Variants in KANSL1 observed in about 807,000 individuals in gnomAD.
KANSL1 encodes MLL1/MLL complex subunit KANSL1.
In KANSL1, 22 loss-of-function variants were observed where a neutral mutation model predicts 103.6. The observed-to-expected ratio is 0.21, with a 90% CI of 0.15 to 0.30. KANSL1 has a LOEUF of 0.30. Among genes scored for constraint, KANSL1 ranks in the 10% least tolerant of loss-of-function variants. The pLI is 1.00. For missense variants in KANSL1, 1,337 were observed against 1,399.8 expected, an observed-to-expected ratio of 0.96 and a Z score of 0.72; for synonymous variants, 600 against 527.6, an observed-to-expected ratio of 1.14 and a Z score of -1.88.
intron 2 of KANSL1, among the ~76,000 whole-genome samples, chr17:46,096,626 A>G (rs2042097885): frequency 6.9e-6 from 1 of 144,500 alleles, no homozygotes; most frequent in African/African-American, 2.6e-5. Context: ...AGCCCTGACT[A>G]ACTTTTTTTT....
chr17:46,218,665 C>T (rs951251478), intron 1 of KANSL1, among the ~76,000 whole-genome samples: 22 of 152,072 alleles, frequency 1.4e-4, no homozygotes, highest in African/African-American at 5.3e-4. Flanking sequence ...CGCCTGTAAT[C>T]CCAGCTACTT....
intron 2 of KANSL1, 40 bp from the exon 3 acceptor site, chr17:46,094,741 T>C (rs2041988145): frequency 1.2e-6 from 2 of 1,611,708 alleles, no homozygotes; most frequent in Non-Finnish European, 1.7e-6. Context: ...AGAGTAGCAG[T>C]AATATCTATA....
At chr17:46,202,373 A>G (rs1225969734) in intron 1 of KANSL1, among the ~76,000 whole-genome samples, 1 of 152,232 alleles carries the variant, frequency 6.6e-6, no homozygotes, top group Non-Finnish European at 1.5e-5. Context: ...GGGATATTCA[A>G]TGTATACAGA....
chr17:46,063,184 C>T (rs2078244052), intron 6 of KANSL1, among the ~76,000 whole-genome samples: 1 of 152,216 alleles, frequency 6.6e-6, no homozygotes, highest in African/African-American at 2.4e-5. Flanking sequence ...GTGTTCTGTA[C>T]TCTGTACTCA....
chr17:46,213,331 C>G (rs1255046486), intron 1 of KANSL1, among the ~76,000 whole-genome samples: 4 of 152,126 alleles, frequency 2.6e-5, no homozygotes, highest in African/African-American at 4.8e-5. Flanking sequence ...GACGGAGTCT[C>G]GCTCTGTGGC....
chr17:46,145,851 C>T (rs2044668279), intron 2 of KANSL1, among the ~76,000 whole-genome samples: 1 of 152,206 alleles, frequency 6.6e-6, no homozygotes, highest in Admixed American at 6.5e-5. Flanking sequence ...GCCTCAGCCT[C>T]CCGAGTAGCT....
chr17:46,220,048 A>G (rs2048475002), intron 1 of KANSL1, among the ~76,000 whole-genome samples: 3 of 151,942 alleles, frequency 2.0e-5, no homozygotes, highest in Admixed American at 6.5e-5. Flanking sequence ...GTTTGCAGTG[A>G]GCCGAGATTG....
intron 1 of KANSL1, among the ~76,000 whole-genome samples, chr17:46,191,652 C>T (rs1368084109): frequency 6.6e-6 from 1 of 152,240 alleles, no homozygotes; most frequent in Non-Finnish European, 1.5e-5. Flanking sequence ...AAAATGTTCT[C>T]CGACTCTAAA....
chr17:46,037,344 A>T (rs188628602), intron 10 of KANSL1: 29 of 152,390 alleles, frequency 1.9e-4, no homozygotes, highest in Admixed American at 1.7e-3. Flanking sequence ...GGGGGTAAAG[A>T]AAGTCGAAGA....
intron 2 of KANSL1, among the ~76,000 whole-genome samples, chr17:46,124,541 T>C (rs539042235): frequency 7.9e-5 from 12 of 152,320 alleles, no homozygotes; most frequent in African/African-American, 2.9e-4. Context: ...GCCTTATAAT[T>C]TAAAAAATAC....
intron 6 of KANSL1, among the ~76,000 whole-genome samples, chr17:46,052,721 G>A (rs2077754641): frequency 6.7e-6 from 1 of 148,236 alleles, no homozygotes; most frequent in African/African-American, 2.5e-5. Flanking sequence ...AGAGAGGATT[G>A]CTTGAAGCCA....
intron 2 of KANSL1, among the ~76,000 whole-genome samples, chr17:46,130,237 T>C (rs1425389010): frequency 7.3e-6 from 1 of 136,842 alleles, no homozygotes; most frequent in Non-Finnish European, 1.6e-5. Flanking sequence ...TTTTAAAACA[T>C]GAATGCTGGA....
Position 46,123,151 on chromosome 17 carries a change from C to T in KANSL1, c.1290-28450G>A, listed in dbSNP as rs184286499. Among the ~76,000 whole-genome samples the T allele has an allele frequency of 3.3e-3, 495 of 152,284 alleles. 10 individuals are homozygous for T. Among genetic ancestry groups the T allele is most frequent in the Admixed American group, 0.03 (464 of 15,290 alleles). On this transcript the variant is annotated intron_variant, in intron 2 of 14. Transcript: ENST00000432791. ...CAACACTTTGGGAGGCGGCGGCAGG[C>T]GGATCACCTGAGGTCAAGAGTTTGA...
intron 1 of KANSL1, among the ~76,000 whole-genome samples, chr17:46,207,106 A>G (rs914533667): frequency 6.6e-6 from 1 of 152,174 alleles, no homozygotes; most frequent in Admixed American, 6.5e-5. Flanking sequence ...AAATAAATTA[A>G]TAATAATAAA....
At chr17:46,109,348 T>C (rs886399087) in intron 2 of KANSL1, among the ~76,000 whole-genome samples, 4 of 152,202 alleles carry the variant, frequency 2.6e-5, no homozygotes, top group Admixed American at 2.0e-4. Flanking sequence ...AAATACAAAA[T>C]TCTCACATCT....
chr17:46,172,641 T>G (rs2046344788), intron 1 of KANSL1, among the ~76,000 whole-genome samples: 1 of 152,230 alleles, frequency 6.6e-6, no homozygotes, highest in Admixed American at 6.5e-5. Flanking sequence ...TAGTAAGGAA[T>G]TCCCGTGTTC....
intron 7 of KANSL1, chr17:46,041,910 G>GTGTA (rs1271542269): frequency 1.1e-4 from 14 of 131,290 alleles, no homozygotes; most frequent in South Asian, 2.2e-4. Context: ...GTGTGTGTGT[G>GTGTA]TATATTTTTT....
At chr17:46,133,987 C>A (rs1325447014) in intron 2 of KANSL1, among the ~76,000 whole-genome samples, 2 of 152,068 alleles carry the variant, frequency 1.3e-5, no homozygotes, top group Non-Finnish European at 2.9e-5. Flanking sequence ...ATGGGAGTGA[C>A]CAGACAGGAA....
At chr17:46,050,798 C>T (rs2077686088) in intron 6 of KANSL1, 94 bp from the exon 7 acceptor site, 6 of 1,107,360 alleles carry the variant, frequency 5.4e-6, no homozygotes, top group East Asian at 5.2e-5. Flanking sequence ...GAAGTTAGCT[C>T]CCCATTTGTT....
Sources: gnomAD v4.1 joint callset for allele counts (sites outside exome capture counted in the v4.1 genomes callset) on GRCh38, gnomAD v4.1.1 for gene constraint, MANE v1.5 for transcripts, NCBI Gene and HGNC (gene_info 2026-07-23, HGNC 2026-07-21) for gene names.